Variants in PCDH15 observed in about 807,000 individuals in gnomAD.
The protein encoded by PCDH15 is protocadherin related 15.
PCDH15 carries 129 observed loss-of-function variants against 178.5 expected under a neutral mutation model. The observed-to-expected ratio is 0.72, with a 90% confidence interval of 0.63 to 0.84. PCDH15 has a LOEUF of 0.84. Among genes scored for constraint, PCDH15 ranks in the 40% least tolerant of loss-of-function variants. PCDH15 has a pLI of 0.00. For missense variants in PCDH15, 2,230 were observed against 2,099.9 expected (o/e 1.06, Z -1.21); for synonymous variants, 800 against 732.0 (o/e 1.09, Z -1.50).
chr10:54,579,156 T>C (rs188831054), intron 2 of PCDH15, among the ~76,000 whole-genome samples: 1 of 152,120 alleles, frequency 6.6e-6, no homozygotes, highest in Admixed American at 6.6e-5. Flanking sequence ...ATATTAACCT[T>C]GAATTTACAT....
intron 11 of PCDH15, among the ~76,000 whole-genome samples, chr10:54,193,337 T>C (rs1418562098): frequency 1.3e-5 from 2 of 152,188 alleles, no homozygotes; most frequent in Admixed American, 1.3e-4. Context: ...TGAGAAGGTA[T>C]AAATACATAA....
rs542189471 is a variant in PCDH15, at chr10:54,943,021, T to G, written c.-79-45521A>C. Reference sequence around the variant, plus strand: ...TGAGGGAGAATATTGCTGAATTTATTCCATGATTGTCAGATACTATATTAG... The same window carrying G: ...TGAGGGAGAATATTGCTGAATTTATGCCATGATTGTCAGATACTATATTAG... On this transcript the variant is annotated intron_variant, in intron 2 of 5. Coordinates refer to the PCDH15 transcript ENST00000458638. 9.9e-5 allele frequency among the ~76,000 whole-genome samples: 15 copies of G among 152,126 alleles called. No individual in the cohort carries two copies. In the East Asian group the frequency reaches 2.9e-3, roughly 29 times the overall value.
At chr10:55,224,276 T>C (rs936829462) in intron 1 of PCDH15, among the ~76,000 whole-genome samples, 1 of 152,122 alleles carries the variant, frequency 6.6e-6, no homozygotes, top group African/African-American at 2.4e-5. Context: ...TTTTACTTCC[T>C]GTATCTATAT....
chr10:54,078,050 C>T (rs977457790), intron 17 of PCDH15, among the ~76,000 whole-genome samples: 9 of 151,938 alleles, frequency 5.9e-5, no homozygotes, highest in Non-Finnish European at 8.8e-5. Flanking sequence ...GCAACAAGAG[C>T]GAAACTCCAT....
At chr10:55,188,704 T>C (rs762464869) in intron 1 of PCDH15, among the ~76,000 whole-genome samples, 6 of 151,872 alleles carry the variant, frequency 4.0e-5, no homozygotes, top group Non-Finnish European at 7.4e-5. Flanking sequence ...AAAGTTATGG[T>C]CCTTTAAATT....
At chr10:54,657,976 A>C (rs531964488) in intron 2 of PCDH15, among the ~76,000 whole-genome samples, 1 of 152,230 alleles carries the variant, frequency 6.6e-6, no homozygotes, top group Admixed American at 6.5e-5. Flanking sequence ...ATAGAACTTC[A>C]TGTATTGAAA....
chr10:54,121,630 G>T (rs537750872), intron 15 of PCDH15, among the ~76,000 whole-genome samples: 1 of 151,980 alleles, frequency 6.6e-6, no homozygotes, highest in Non-Finnish European at 1.5e-5. Flanking sequence ...TGTCACAGCC[G>T]ATCACACAGA....
rs73251963 is a variant in PCDH15, at chr10:55,083,908, C to T, written c.-80+82668G>A. On this transcript the variant is annotated intron_variant, in intron 2 of 5. Coordinates refer to the PCDH15 transcript ENST00000458638. Reference sequence around the variant, plus strand: ...TACAATAAAAACTATAAAACATTGACACAAGAAATCAAAGGAGACACAACC... The same window carrying T: ...TACAATAAAAACTATAAAACATTGATACAAGAAATCAAAGGAGACACAACC... 2.9e-3 allele frequency among the ~76,000 whole-genome samples: 441 copies of T among 151,624 alleles called. 2 individuals carry two copies. Among genetic ancestry groups the T allele is most frequent in the African/African-American group, 0.01 (420 of 41,474 alleles).
intron 3 of PCDH15, among the ~76,000 whole-genome samples, chr10:54,497,262 A>T (rs571465882): frequency 6.6e-6 from 1 of 151,572 alleles, no homozygotes; most frequent in African/African-American, 2.4e-5. Context: ...AAAAACCCTC[A>T]AGGGCACCAA....
At chr10:54,144,185 G>A (rs1281249359) in intron 14 of PCDH15, among the ~76,000 whole-genome samples, 1 of 151,986 alleles carries the variant, frequency 6.6e-6, no homozygotes, top group Non-Finnish European at 1.5e-5. Flanking sequence ...GTATGACGCT[G>A]CCCACGATGC....
chr10:54,668,855 C>T (rs946287695), intron 1 of PCDH15, among the ~76,000 whole-genome samples: 1 of 152,180 alleles, frequency 6.6e-6, no homozygotes, highest in African/African-American at 2.4e-5. Context: ...AAGCTGGAGT[C>T]TCACAGTGAA....
chr10:54,513,566 A>T (rs1589809165), intron 3 of PCDH15, among the ~76,000 whole-genome samples: 1 of 152,310 alleles, frequency 6.6e-6, no homozygotes, highest in Middle Eastern at 3.4e-3. Context: ...ATCATTGTAG[A>T]CATGACAATG....
chr10:53,925,148 C>T (rs376154306), intron 25 of PCDH15, among the ~76,000 whole-genome samples: 1 of 152,114 alleles, frequency 6.6e-6, no homozygotes, highest in East Asian at 1.9e-4. Context: ...TTCTTTCACT[C>T]TTTGGAATAA....
chr10:54,938,490 G>A (rs1021149597), intron 2 of PCDH15, among the ~76,000 whole-genome samples: 8 of 151,952 alleles, frequency 5.3e-5, no homozygotes, highest in Non-Finnish European at 8.8e-5. Flanking sequence ...AAAATTGTTG[G>A]GGAGAATTGG....
intron 2 of PCDH15, among the ~76,000 whole-genome samples, chr10:55,440,624 T>C (rs972062105): frequency 6.6e-6 from 1 of 152,098 alleles, no homozygotes; most frequent in Non-Finnish European, 1.5e-5. Flanking sequence ...AATAAATAAT[T>C]GGTACTGTAA....
At chr10:55,534,579 G>A (rs1841529922) in intron 2 of PCDH15, among the ~76,000 whole-genome samples, 1 of 152,010 alleles carries the variant, frequency 6.6e-6, no homozygotes, top group Admixed American at 6.6e-5. Flanking sequence ...ACAGATCCTG[G>A]CAATGTTGCA....
At chr10:55,144,188 C>T (rs948940550) in intron 2 of PCDH15, among the ~76,000 whole-genome samples, 4 of 151,732 alleles carry the variant, frequency 2.6e-5, no homozygotes, top group Admixed American at 6.6e-5. Flanking sequence ...ACGACTGACT[C>T]ATGACCTAAG....
At chr10:54,501,442 T>C (rs1257193553) in intron 3 of PCDH15, among the ~76,000 whole-genome samples, 1 of 152,100 alleles carries the variant, frequency 6.6e-6, no homozygotes, top group Non-Finnish European at 1.5e-5. Flanking sequence ...TCACAACTTG[T>C]AAAATAAACA....
At chr10:53,829,130 A>C (rs1435763647) in intron 30 of PCDH15, among the ~76,000 whole-genome samples, 1 of 152,184 alleles carries the variant, frequency 6.6e-6, no homozygotes, top group Non-Finnish European at 1.5e-5. Flanking sequence ...ATTCATTCTT[A>C]CCTTATTTGC....
Sources: gnomAD v4.1 joint callset for allele counts (sites outside exome capture counted in the v4.1 genomes callset) on GRCh38, gnomAD v4.1.1 for gene constraint, MANE v1.5 for transcripts, NCBI Gene and HGNC (gene_info 2026-07-23, HGNC 2026-07-21) for gene names.